CSNK1G1: variants seen among roughly 807,000 people sequenced by gnomAD.
CSNK1G1 encodes casein kinase 1 gamma 1, also known as casein kinase I isoform gamma-1.
Under a neutral mutation model 59.6 loss-of-function variants are expected in CSNK1G1, and 22 were observed. The ratio of observed to expected loss-of-function variants is 0.37; its 90% confidence interval spans 0.26 to 0.53. The LOEUF (loss-of-function observed/expected upper bound fraction) is 0.53. CSNK1G1 is among the 20% of genes least tolerant of loss of function. The pLI is 0.89. For synonymous variants in CSNK1G1, 179 were observed against 177.1 expected, an observed-to-expected ratio of 1.01 and a Z score of -0.08; for missense variants, 384 against 519.5, an observed-to-expected ratio of 0.74 and a Z score of 2.54.
chr15:64,190,100 G>C (rs901932116), intron 10 of CSNK1G1, among the ~76,000 whole-genome samples: 1 of 152,080 alleles, frequency 6.6e-6, no homozygotes, highest in East Asian at 1.9e-4. Flanking sequence ...GATTACAGGC[G>C]TGAGCCACCA....
chr15:64,216,508 G>A lies in CSNK1G1; in HGVS notation c.444+54C>T. 2.6e-6 allele frequency: 4 copies of A among 1,557,544 alleles called. No individual in the cohort carries two copies. The South Asian group carries it at 3.4e-5, about 13-fold the overall frequency. ...TAGTAAATCACCAAAAGGCCCACAA[G>A]GATGTGGCTGAGGAACCAGCTTATT... On this transcript the variant is annotated intron_variant, in intron 5 of 11. Coordinates refer to ENST00000303052, the MANE Select transcript of CSNK1G1 (RefSeq NM_022048.5). This position sits in a 1 kb window ranked among gnomAD's most constrained non-coding sequence, Gnocchi z 4.6.
chr15:64,199,460 G>A (rs1363179261), intron 10 of CSNK1G1, among the ~76,000 whole-genome samples: 1 of 152,090 alleles, frequency 6.6e-6, no homozygotes, highest in African/African-American at 2.4e-5. Context: ...GACAACCGAA[G>A]TTTTCAATCA....
intron 4 of CSNK1G1, among the ~76,000 whole-genome samples, chr15:64,226,584 C>CAAACAAACCA (rs2082466000): frequency 5.0e-5 from 6 of 118,958 alleles, no homozygotes; most frequent in South Asian, 2.7e-4. Context: ...ACAAACAAAC[C>CAAACAAACCA]AAAAAAAAAA....
intron 1 of CSNK1G1, among the ~76,000 whole-genome samples, chr15:64,353,282 C>T (rs773514544): frequency 5.9e-5 from 9 of 152,210 alleles, no homozygotes; most frequent in Middle Eastern, 6.8e-3. Context: ...AAGCAAACTA[C>T]GTTAGCTGAA....
At chr15:64,266,134 C>G (rs1174794095) in intron 2 of CSNK1G1, among the ~76,000 whole-genome samples, 1 of 152,004 alleles carries the variant, frequency 6.6e-6, no homozygotes, top group Non-Finnish European at 1.5e-5. Context: ...ACGATCTCGG[C>G]TCAATGCAAA....
intron 1 of CSNK1G1, among the ~76,000 whole-genome samples, chr15:64,313,792 A>G (rs1453154982): frequency 1.2e-4 from 17 of 137,724 alleles, no homozygotes; most frequent in Admixed American, 1.2e-3. Context: ...CTGCTGGGAG[A>G]AAAAAAAAAA....
intron 2 of CSNK1G1, among the ~76,000 whole-genome samples, chr15:64,263,674 A>C (rs1892818649): frequency 6.6e-6 from 1 of 152,084 alleles, no homozygotes; most frequent in Admixed American, 6.5e-5. Flanking sequence ...CTGCCCCTTC[A>C]GGCACTCAGC....
intron 1 of CSNK1G1, among the ~76,000 whole-genome samples, chr15:64,307,843 C>T (rs548038237): frequency 1.3e-5 from 2 of 152,084 alleles, no homozygotes; most frequent in Non-Finnish European, 2.9e-5. Flanking sequence ...CCCACCACCA[C>T]GCCTGGCTAA....
At chr15:64,270,411 ATCTT>A (rs901915262) in intron 2 of CSNK1G1, among the ~76,000 whole-genome samples, 8 of 151,916 alleles carry the variant, frequency 5.3e-5, no homozygotes, top group African/African-American at 1.2e-4. Context: ...TTAATTTGAG[ATCTT>A]TCTAACTTTT....
At chr15:64,229,902 A>ATTTTTTTTTTT (rs533868270) in intron 4 of CSNK1G1, among the ~76,000 whole-genome samples, 992 of 43,778 alleles carry the variant, frequency 0.023, 323 homozygotes, top group African/African-American at 0.025. Context: ...ATGTTTGTAA[A>ATTTTTTTTTTT]TTTTTTTTTT....
chr15:64,203,042 A>G (rs772458389), intron 10 of CSNK1G1, 40 bp downstream of exon 10: 2 of 1,444,306 alleles, frequency 1.4e-6, no homozygotes, highest in South Asian at 2.3e-5. Flanking sequence ...TTAGCCAAGA[A>G]GAAGGGTAGT....
chr15:64,272,624 T>C (rs1217032431), intron 2 of CSNK1G1, among the ~76,000 whole-genome samples: 1 of 152,234 alleles, frequency 6.6e-6, no homozygotes, highest in East Asian at 1.9e-4. Flanking sequence ...GTTATTATGC[T>C]GGCTTGTTTG....
Position 64,169,889 on chromosome 15 carries a change from T to C in CSNK1G1, c.*2042A>G, listed in dbSNP as rs1472274855. 2 of 152,204 alleles carry C rather than the reference T, an allele frequency of 1.3e-5. No individual in the cohort carries two copies. Among genetic ancestry groups the C allele is most frequent in the Non-Finnish European group, 2.9e-5 (2 of 68,040 alleles). The allele number at this position is 152,204 out of a possible 1,614,324, so 9.4% of individuals were successfully genotyped here. The stretch of plus-strand genomic sequence containing the variant: ...GATGAAGCCCAGTACCTCTGATCCA[T>C]GTTAATGTTATTTCTGCTCTGTGTA... On this transcript the variant is annotated 3_prime_UTR_variant, in exon 12 of 12. Transcript: ENST00000303052.
At chr15:64,201,641 C>T (rs1299081076) in intron 10 of CSNK1G1, among the ~76,000 whole-genome samples, 1 of 151,808 alleles carries the variant, frequency 6.6e-6, no homozygotes, top group Non-Finnish European at 1.5e-5. Flanking sequence ...CACCAAACCA[C>T]ATATTTTGCC....
intron 1 of CSNK1G1, among the ~76,000 whole-genome samples, chr15:64,329,883 A>G (rs1195900417): frequency 7.4e-6 from 1 of 135,934 alleles, no homozygotes; most frequent in Non-Finnish European, 1.6e-5. Context: ...ACCATCAGAG[A>G]ATACTACAAA....
intron 1 of CSNK1G1, among the ~76,000 whole-genome samples, chr15:64,319,086 A>G (rs942583525): frequency 4.0e-5 from 6 of 149,244 alleles, no homozygotes; most frequent in Non-Finnish European, 7.4e-5. Context: ...TCCTGGGCTC[A>G]AAGTGATCCG....
chr15:64,296,262 A>G (rs1338734978), intron 2 of CSNK1G1, among the ~76,000 whole-genome samples: 1 of 152,166 alleles, frequency 6.6e-6, no homozygotes, highest in Non-Finnish European at 1.5e-5. Context: ...CTAGGACTAC[A>G]GGTGCATACC....
intron 4 of CSNK1G1, among the ~76,000 whole-genome samples, chr15:64,238,518 A>AATATATATATATATAT (rs1212005568): frequency 2.8e-4 from 14 of 49,230 alleles, no homozygotes; most frequent in African/African-American, 7.0e-4. Context: ...AAAAAAAAAA[A>AATATATATATATATAT]ATATATATAT....
chr15:64,180,582 G>A, intron 10 of CSNK1G1, 128 bp from the exon 11 acceptor site: 1 of 704,766 alleles, frequency 1.4e-6, no homozygotes, highest in South Asian at 1.6e-5. Flanking sequence ...GATCAATTTA[G>A]GGAAGGTTCC....
Sources: allele counts gnomAD v4.1 joint callset (sites outside exome capture counted in the v4.1 genomes callset), GRCh38; gene constraint gnomAD v4.1.1; non-coding constraint Gnocchi (gnomAD v3.1); transcripts MANE v1.5; gene names NCBI Gene and HGNC (gene_info 2026-07-23, HGNC 2026-07-21).